PTBP3: variants seen among roughly 807,000 people sequenced by gnomAD.
PTBP3 encodes polypyrimidine tract binding protein 3.
Under a neutral mutation model 58.7 loss-of-function variants are expected in PTBP3, and 20 were observed. The observed-to-expected ratio is 0.34, with a 90% CI of 0.24 to 0.50. The LOEUF is 0.50. PTBP3 is among the 20% of genes least tolerant of loss of function. The pLI is 0.98. For synonymous variants in PTBP3, 185 were observed against 219.8 expected (o/e 0.84, Z 1.40); for missense variants, 509 against 637.2 (o/e 0.80, Z 2.17).
At chr9:112,310,284 T>C (rs1829421266) in intron 1 of PTBP3, among the ~76,000 whole-genome samples, 1 of 152,246 alleles carries the variant, frequency 6.6e-6, no homozygotes, top group Admixed American at 6.5e-5. Flanking sequence ...ACTGCCTTCA[T>C]TTTATATGGA....
At chr9:112,375,685 C>T in the PTBP3 span, among the ~76,000 whole-genome samples, 403 of 152,198 alleles carry the variant, frequency 2.6e-3, 1 homozygote, top group African/African-American at 8.8e-3. Context: ...CAGGTGCCTT[C>T]AGGACCTGCT....
chr9:112,264,427 G>A (rs75995963), intron 4 of PTBP3, among the ~76,000 whole-genome samples: 2,192 of 152,244 alleles, frequency 0.014, 25 homozygotes, highest in Middle Eastern at 0.031. Context: ...TTTTACAGTT[G>A]TGACTTTAGT....
In PTBP3 at chr9:112,235,706, G is replaced by A. The variant is rs554442299; in HGVS notation, c.803-809C>T. ...AAACACATAAATTTGTGAATTACCT[G>A]TGTAGAAATAAATGTGAAAGCCATA... On this transcript the variant is annotated intron_variant, in intron 7 of 13. Coordinates refer to ENST00000374257, the MANE Select transcript of PTBP3 (RefSeq NM_001163788.4). Among the ~76,000 whole-genome samples the A allele has an allele frequency of 1.2e-3, 181 of 152,252 alleles. 1 individual carries two copies. Among genetic ancestry groups the A allele is most frequent in the South Asian group, 9.5e-3 (46 of 4,818 alleles).
At chr9:112,276,504 T>C (rs1827616472) in intron 2 of PTBP3, among the ~76,000 whole-genome samples, 1 of 152,124 alleles carries the variant, frequency 6.6e-6, no homozygotes, top group Non-Finnish European at 1.5e-5. Flanking sequence ...AGTTTATTTC[T>C]TGGGTGCTAA....
At position 112,223,193 on chromosome 9, in the gene PTBP3, C is replaced by T; in HGVS notation, c.*658G>A. ...GGACAGCTGAGACACTGCATTTTTCCAAATAGTCTTAAAAAGTTAAAGATA... is the reference window on the plus strand; with the variant it reads ...GGACAGCTGAGACACTGCATTTTTCTAAATAGTCTTAAAAAGTTAAAGATA... On this transcript the variant is annotated 3_prime_UTR_variant, in exon 14 of 14. Coordinates refer to ENST00000374257, the MANE Select transcript of PTBP3 (RefSeq NM_001163788.4). The T allele has an allele frequency of 1.1e-6, 1 of 927,404 alleles. No homozygotes were observed. 57.4% of individuals were successfully genotyped at this position (927,404 alleles called of 1,614,324 possible). A position where few individuals can be genotyped will look rare whatever the true frequency, so the allele number is the denominator to read the frequency against.
the PTBP3 span, among the ~76,000 whole-genome samples, chr9:112,346,793 C>G: frequency 6.6e-6 from 1 of 151,796 alleles, no homozygotes; most frequent in East Asian, 2.0e-4. Context: ...CGCAGTGGCG[C>G]TTTCTCAACT....
chr9:112,282,479 T>C (rs1004621615), intron 2 of PTBP3, among the ~76,000 whole-genome samples: 4 of 152,168 alleles, frequency 2.6e-5, no homozygotes, highest in Non-Finnish European at 4.4e-5. Context: ...AGACATTTTT[T>C]CTTTTCTAAT....
Position 112,251,088 on chromosome 9 carries a change from T to A in PTBP3, c.643A>T (p.Asn215Tyr). 1 of 1,583,296 alleles carries A rather than the reference T, an allele frequency of 6.3e-7. No homozygotes were observed. The highest frequency in any genetic ancestry group is 8.6e-7 in the Non-Finnish European group (1 of 1,164,324). The change falls in exon 7 of 14, where the codon AAT becomes TAT. Residue 215 changes from asparagine to tyrosine, a missense_variant. Transcript: ENST00000374257. ...HYAKMALDGQ[N>Y]IYNACCTLRI... ...AGAGTGCAGCATGCATTATAGATAT[T>A]CTGGCCATCCAGAGCCTAAAGCATG...
At chr9:112,232,595 TC>T (rs1835288760) in intron 8 of PTBP3, among the ~76,000 whole-genome samples, 1 of 152,218 alleles carries the variant, frequency 6.6e-6, no homozygotes, top group African/African-American at 2.4e-5. Context: ...TATATGCTTT[TC>T]ATACTGACTT....
At chr9:112,364,011 T>C in the PTBP3 span, among the ~76,000 whole-genome samples, 4 of 152,128 alleles carry the variant, frequency 2.6e-5, no homozygotes, top group African/African-American at 7.2e-5. Flanking sequence ...CCCTCCTCAC[T>C]AACTACCGGC....
At chr9:112,363,518 A>T in the PTBP3 span, among the ~76,000 whole-genome samples, 1 of 23,606 alleles carries the variant, frequency 4.2e-5, no homozygotes, top group African/African-American at 1.4e-4. Context: ...CAAAACTGTC[A>T]CACACACACA....
At chr9:112,310,285 T>C (rs1346869382) in intron 1 of PTBP3, among the ~76,000 whole-genome samples, 1 of 152,220 alleles carries the variant, frequency 6.6e-6, no homozygotes, top group South Asian at 2.1e-4. Flanking sequence ...CTGCCTTCAT[T>C]TTATATGGAC....
the PTBP3 span, among the ~76,000 whole-genome samples, chr9:112,346,100 T>G: frequency 6.6e-6 from 1 of 152,028 alleles, no homozygotes; most frequent in Non-Finnish European, 1.5e-5. Context: ...CTTTTTGGCC[T>G]CCCAAAGTGC....
intron 2 of PTBP3, among the ~76,000 whole-genome samples, chr9:112,282,198 A>G (rs990795842): frequency 5.3e-5 from 8 of 152,168 alleles, no homozygotes; most frequent in African/African-American, 1.9e-4. Flanking sequence ...GGATACAAAC[A>G]TTAAGTCAAT....
At position 112,231,360 on chromosome 9, in the gene PTBP3, A is replaced by C; in HGVS notation, c.1054+20T>G. 1 of 1,566,490 alleles carries C rather than the reference A, an allele frequency of 6.4e-7. No individual in the cohort carries two copies. The highest frequency in any genetic ancestry group is 8.7e-7 in the Non-Finnish European group (1 of 1,145,720). Reference sequence around the variant, plus strand: ...AATTCACACCTGTAGACAATAATAAAATAGCAAAAATGAACTTACCAAATA... The same window carrying C: ...AATTCACACCTGTAGACAATAATAACATAGCAAAAATGAACTTACCAAATA... On this transcript the variant is annotated intron_variant, in intron 10 of 13. Transcript: ENST00000374257.
At chr9:112,289,506 C>T (rs897711941) in intron 2 of PTBP3, among the ~76,000 whole-genome samples, 8 of 152,164 alleles carry the variant, frequency 5.3e-5, no homozygotes, top group African/African-American at 9.7e-5. Context: ...GGGGGCCAGG[C>T]GCCGTGGCTC....
chr9:112,301,099 T>G (rs1828914539), intron 1 of PTBP3, among the ~76,000 whole-genome samples: 1 of 152,026 alleles, frequency 6.6e-6, no homozygotes, highest in Non-Finnish European at 1.5e-5. Context: ...AAGAAAGTAT[T>G]TACAAGTCAC....
chr9:112,293,086 T>A lies in PTBP3; in HGVS notation c.34+4746A>T, dbSNP rs569142310. On this transcript the variant is annotated intron_variant, in intron 2 of 13. Transcript: ENST00000374257. Reference sequence around the variant, plus strand: ...GATTGGGGCAATACACAACACAAGTTACTCTCACAAACATAATGTTGAATG... The same window carrying A: ...GATTGGGGCAATACACAACACAAGTAACTCTCACAAACATAATGTTGAATG... 3.3e-3 allele frequency among the ~76,000 whole-genome samples: 499 copies of A among 152,294 alleles called. 2 individuals carry two copies. The highest frequency in any genetic ancestry group is 5.4e-3 in the Non-Finnish European group (364 of 68,008).
chr9:112,369,318 T>G, the PTBP3 span, among the ~76,000 whole-genome samples: 1 of 152,166 alleles, frequency 6.6e-6, no homozygotes, highest in Non-Finnish European at 1.5e-5. Flanking sequence ...ACACTCAACA[T>G]CAGCCTGTGA....
Sources: allele counts gnomAD v4.1 joint callset (sites outside exome capture counted in the v4.1 genomes callset), GRCh38; gene constraint gnomAD v4.1.1; transcripts MANE v1.5; gene names NCBI Gene and HGNC (gene_info 2026-07-23, HGNC 2026-07-21).